Variants in NRXN3 observed in about 807,000 individuals in gnomAD.
NRXN3 encodes neurexin III.
A neutral mutation model predicts 137.6 loss-of-function variants in NRXN3; 32 were observed. The observed-to-expected ratio is 0.23, with a 90% confidence interval of 0.18 to 0.31. The LOEUF is 0.31. Among genes scored for constraint, NRXN3 ranks in the 10% least tolerant of loss-of-function variants. NRXN3 has a pLI of 1.00. For missense variants in NRXN3, 1,574 were observed against 2,062.5 expected (o/e 0.76, Z 4.59); for synonymous variants, 798 against 784.5 (o/e 1.02, Z -0.29).
chr14:79,482,091 A>G (rs1270307451), intron 16 of NRXN3, among the ~76,000 whole-genome samples: 7 of 152,020 alleles, frequency 4.6e-5, no homozygotes, highest in Non-Finnish European at 7.4e-5. Flanking sequence ...TAATTATTTA[A>G]CTCTGCCTGC....
At chr14:79,339,144 GTTA>G (rs2092453334) in intron 15 of NRXN3, among the ~76,000 whole-genome samples, 1 of 152,130 alleles carries the variant, frequency 6.6e-6, no homozygotes, top group African/African-American at 2.4e-5. Flanking sequence ...ATGGAGCAAG[GTTA>G]CCTTCACAGT....
chr14:79,382,849 C>G, intron 15 of NRXN3, among the ~76,000 whole-genome samples: 1 of 152,072 alleles, frequency 6.6e-6, no homozygotes, highest in Non-Finnish European at 1.5e-5. Context: ...TTACGATTGA[C>G]TTTCCTAATT....
At chr14:79,288,251 G>A (rs957320988) in intron 15 of NRXN3, among the ~76,000 whole-genome samples, 5 of 152,222 alleles carry the variant, frequency 3.3e-5, no homozygotes, top group Non-Finnish European at 7.3e-5. Context: ...TGGGAAGAAT[G>A]CAGCTTTCAT....
At chr14:79,674,385 A>G (rs1008992944) in intron 17 of NRXN3, among the ~76,000 whole-genome samples, 5 of 152,046 alleles carry the variant, frequency 3.3e-5, no homozygotes, top group Admixed American at 3.3e-4. Flanking sequence ...AAACACATTC[A>G]TCGTACCTTA....
At chr14:78,906,076 G>T (rs1423536376) in intron 10 of NRXN3, among the ~76,000 whole-genome samples, 1 of 151,776 alleles carries the variant, frequency 6.6e-6, no homozygotes, top group Non-Finnish European at 1.5e-5. Context: ...TTGGTGCATT[G>T]GTCATTATTT....
At chr14:79,832,631 C>A (rs956644271) in intron 20 of NRXN3, among the ~76,000 whole-genome samples, 1 of 152,058 alleles carries the variant, frequency 6.6e-6, no homozygotes, top group Non-Finnish European at 1.5e-5. Flanking sequence ...CAGCCCCCAC[C>A]ACAGAGAATT....
At chr14:79,560,504 C>CTTGTTTTTTT (rs2097482002) in intron 16 of NRXN3, among the ~76,000 whole-genome samples, 1 of 43,770 alleles carries the variant, frequency 2.3e-5, no homozygotes, top group Non-Finnish European at 4.0e-5. Context: ...AGATTGTAAG[C>CTTGTTTTTTT]TTTTTTTTTT....
chr14:78,281,450 A>G (rs1449374918), intron 3 of NRXN3, among the ~76,000 whole-genome samples: 2 of 152,160 alleles, frequency 1.3e-5, no homozygotes, highest in African/African-American at 4.8e-5. Context: ...AAGTAACCCT[A>G]CTGTAAAGCA....
intron 15 of NRXN3, among the ~76,000 whole-genome samples, chr14:79,145,505 G>A (rs2059225258): frequency 6.6e-6 from 1 of 152,014 alleles, no homozygotes; most frequent in South Asian, 2.1e-4. Flanking sequence ...AAGTACTGTG[G>A]AGAGTATTTA....
At chr14:79,118,361 T>C (rs1289006190) in intron 15 of NRXN3, among the ~76,000 whole-genome samples, 1 of 152,216 alleles carries the variant, frequency 6.6e-6, no homozygotes, top group Non-Finnish European at 1.5e-5. Context: ...TGAAACTTCC[T>C]GTATAGAATG....
chr14:78,519,745 T>TAAA (rs2096260670), intron 4 of NRXN3, among the ~76,000 whole-genome samples: 1 of 151,494 alleles, frequency 6.6e-6, no homozygotes, highest in South Asian at 2.1e-4. Context: ...TTGAGGACCT[T>TAAA]GAAGGAGTAG....
At chr14:78,766,444 A>G (rs759517105) in intron 8 of NRXN3, among the ~76,000 whole-genome samples, 6 of 152,162 alleles carry the variant, frequency 3.9e-5, no homozygotes, top group Non-Finnish European at 5.9e-5. Context: ...AAAAAATTCA[A>G]ATATGTTTTC....
At chr14:79,632,022 G>A (rs1567722841) in intron 16 of NRXN3, among the ~76,000 whole-genome samples, 1 of 152,178 alleles carries the variant, frequency 6.6e-6, no homozygotes, top group Non-Finnish European at 1.5e-5. Flanking sequence ...ACCTGAGCCA[G>A]CAGCGGCATC....
At chr14:79,361,088 T>G (rs1216203282) in intron 15 of NRXN3, among the ~76,000 whole-genome samples, 1 of 152,184 alleles carries the variant, frequency 6.6e-6, no homozygotes, top group Non-Finnish European at 1.5e-5. Context: ...GAAGGGTAAT[T>G]CGAGTACAGA....
At chr14:79,678,958 T>C (rs561749119) in intron 17 of NRXN3, among the ~76,000 whole-genome samples, 5 of 152,246 alleles carry the variant, frequency 3.3e-5, no homozygotes, top group Admixed American at 1.3e-4. Flanking sequence ...TTTCTAACAA[T>C]ATGTACTAGT....
chr14:78,250,179 A>G, intron 2 of NRXN3: 1 of 475,830 alleles, frequency 2.1e-6, no homozygotes, highest in Non-Finnish European at 4.2e-6. Context: ...TTGTGTCTAG[A>G]CAGTCTGGCT....
chr14:78,457,280 C>A (rs914154789), intron 4 of NRXN3, among the ~76,000 whole-genome samples: 3 of 152,110 alleles, frequency 2.0e-5, no homozygotes, highest in African/African-American at 7.2e-5. Flanking sequence ...GATTTGCCCA[C>A]CTTGGCCACC....
chr14:79,276,434 A>C (rs940066986), intron 15 of NRXN3, among the ~76,000 whole-genome samples: 2 of 152,186 alleles, frequency 1.3e-5, no homozygotes, highest in Non-Finnish European at 2.9e-5. Context: ...GAGTCTTCTC[A>C]GTATTTAACT....
intron 8 of NRXN3, among the ~76,000 whole-genome samples, chr14:78,726,428 G>A (rs2098483751): frequency 1.3e-5 from 2 of 148,892 alleles, no homozygotes; most frequent in South Asian, 4.4e-4. Flanking sequence ...TTATGAGTGA[G>A]AACATGTGGT....
Sources: gnomAD v4.1 joint callset for allele counts (sites outside exome capture counted in the v4.1 genomes callset) on GRCh38, gnomAD v4.1.1 for gene constraint, MANE v1.5 for transcripts, NCBI Gene and HGNC (gene_info 2026-07-23, HGNC 2026-07-21) for gene names.